Variants in MRGPRF observed in about 807,000 individuals in gnomAD.
MRGPRF encodes mas-related G protein-coupled receptor member F.
Under a neutral mutation model 3.3 loss-of-function variants are expected in MRGPRF, and 2 were observed. That is an observed-to-expected ratio of 0.61 (90% confidence interval 0.25 to 1.92). MRGPRF has a LOEUF of 1.92. MRGPRF is among the 40% of genes most tolerant of loss of function. The probability of loss-of-function intolerance (pLI) is 0.16; values close to 1 mark genes in which losing one functional copy is unlikely to be tolerated. For missense variants in MRGPRF, 500 were observed against 476.0 expected, an observed-to-expected ratio of 1.05 and a Z score of -0.47; for synonymous variants, 242 against 222.7, an observed-to-expected ratio of 1.09 and a Z score of -0.77.
At chr11:69,009,762 G>A (rs567573915) in intron 2 of MRGPRF, 92 bp downstream of exon 2, 60 of 1,450,872 alleles carry the variant, frequency 4.1e-5, no homozygotes, top group Non-Finnish European at 4.7e-5. Context: ...GGCCAGGAAG[G>A]GGGGGATGGG....
Position 69,009,893 on chromosome 11 carries a change from T to G in MRGPRF, c.9A>C (p.Gly3=), listed in dbSNP as rs1393639330. 6 of 1,606,974 alleles carry G rather than the reference T, an allele frequency of 3.7e-6. No individual in the cohort carries two copies. In the Admixed American group the frequency reaches 8.4e-5, roughly 22 times the overall value. The change falls in exon 2 of 3, where the codon GGA becomes GGC. Residue 3 remains glycine, a synonymous_variant. Transcript: ENST00000309099. ...CGGGATGGGCCTCCCAGGAGCAGTT[T>G]CCAGCCATCTCCAGGCCTGGCGCGT... MA[G]NCSWEAHPGN... is the part of the protein sequence containing the mutation.
intron 1 of MRGPRF, among the ~76,000 whole-genome samples, chr11:69,010,230 G>C (rs976782654): frequency 6.6e-6 from 1 of 152,258 alleles, no homozygotes; most frequent in Non-Finnish European, 1.5e-5. Flanking sequence ...CCCTTTTCTT[G>C]TGAGAGTTCT....
Position 69,005,431 on chromosome 11 carries a change from C to T in MRGPRF, c.879G>A (p.Leu293=). The change falls in exon 3 of 3, where the codon CTG becomes CTA. Residue 293 remains leucine, a synonymous_variant. Coordinates refer to ENST00000309099, the MANE Select transcript of MRGPRF (RefSeq NM_145015.5). Reference sequence around the variant, plus strand: ...GCCGCTGCGACTTGTCCCTCCCGGCCAGGAAGTAGACGATGGGCTTGGCGC... The same window carrying T: ...GCCGCTGCGACTTGTCCCTCCCGGCTAGGAAGTAGACGATGGGCTTGGCGC... ...NSSAKPIVYF[L]AGRDKSQRLW... 1 of 1,589,604 alleles carries T rather than the reference C, an allele frequency of 6.3e-7. No homozygotes were observed. The highest frequency in any genetic ancestry group is 1.1e-5 in the South Asian group (1 of 87,460).
rs1860483294 is a variant in MRGPRF at position 69,006,181 on chromosome 11, A to C, written c.129T>G (p.Pro43=). Residue 43 remains proline, a synonymous_variant, in exon 3 of 3, where the codon CCT becomes CCG. Coordinates refer to ENST00000309099, the MANE Select transcript of MRGPRF (RefSeq NM_145015.5). ...LTIEQIAMLP[P]PAVMNYIFLL... Reference sequence around the variant, plus strand: ...GGAAGATGTAGTTCATGACGGCCGGAGGCGGCAGCATCGCGATCTGCTCGA... The same window carrying C: ...GGAAGATGTAGTTCATGACGGCCGGCGGCGGCAGCATCGCGATCTGCTCGA... The C allele has an allele frequency of 6.2e-7, 1 of 1,613,820 alleles. No individual in the cohort carries two copies. The highest frequency in any genetic ancestry group is 8.5e-7 in the Non-Finnish European group (1 of 1,180,044).
At chr11:69,007,140 C>G (rs934219802) in intron 2 of MRGPRF, among the ~76,000 whole-genome samples, 1 of 152,192 alleles carries the variant, frequency 6.6e-6, no homozygotes, top group Non-Finnish European at 1.5e-5. Context: ...TATGTGGCTA[C>G]GGGAACGTCC....
At chr11:69,006,383 T>C in intron 2 of MRGPRF, 122 bp from the exon 3 acceptor site, 1 of 1,212,484 alleles carries the variant, frequency 8.2e-7, no homozygotes, top group South Asian at 1.6e-5. Flanking sequence ...AGGGAGGGGG[T>C]CTGTAAGGCA....
upstream of MRGPRF, among the ~76,000 whole-genome samples, chr11:69,013,587 G>A (rs1429004522): frequency 1.3e-5 from 2 of 152,250 alleles, no homozygotes; most frequent in African/African-American, 4.8e-5. Context: ...CCCAGGAGGG[G>A]CTAGTCCCCA....
chr11:69,006,319 G>T (rs1860489662), intron 2 of MRGPRF, 58 bp from the exon 3 acceptor site: 1 of 1,510,698 alleles, frequency 6.6e-7, no homozygotes, highest in Non-Finnish European at 8.8e-7. Flanking sequence ...CCACAGACCT[G>T]CATCTGGGGC....
Position 69,004,907 on chromosome 11 carries a change from G to A in MRGPRF, c.*371C>T. ...GGATGAGGCTGCTGGCCTGGTGCTG[G>A]CTGGGACACAGTCAAGGAGGGCTGA... On this transcript the variant is annotated 3_prime_UTR_variant, in exon 3 of 3. Transcript: ENST00000309099. 1 of 230,902 alleles carries A rather than the reference G, an allele frequency of 4.3e-6. No individual in the cohort carries two copies. Among genetic ancestry groups the A allele is most frequent in the East Asian group, 1.1e-4 (1 of 9,326 alleles). 14.3% of individuals were successfully genotyped at this position (230,902 alleles called of 1,614,324 possible). A position where few individuals can be genotyped will look rare whatever the true frequency, so the allele number is the denominator to read the frequency against.
intron 1 of MRGPRF, among the ~76,000 whole-genome samples, chr11:69,010,752 G>A (rs1468343280): frequency 6.6e-6 from 1 of 152,102 alleles, no homozygotes; most frequent in Admixed American, 6.5e-5. Context: ...CCCACCCTAG[G>A]GCTGCCAATG....
chr11:69,005,369 AG>A lies in MRGPRF; in HGVS notation c.940del (p.Leu314CysfsTer109). 6.4e-7 allele frequency: 1 copy of A among 1,570,538 alleles called. No individual in the cohort carries two copies. The highest frequency in any genetic ancestry group is 1.9e-5 in the Admixed American group (1 of 53,796). ...CTCCCCCAGCTCAGCGCCGTCCCGC[AG>A]GGCCCGCTGGAAGACCACCCTGAGC... ...EPLRVVFQRA[L>X]RDGAELGEAG... On this transcript the variant is annotated frameshift_variant, in exon 3 of 3. Coordinates refer to ENST00000309099, the MANE Select transcript of MRGPRF (RefSeq NM_145015.5). LOFTEE classifies it high-confidence loss of function.
Position 69,006,206 on chromosome 11 carries a change from A to T in MRGPRF, c.104T>A (p.Ile35Asn), listed in dbSNP as rs375273907. 6.2e-7 allele frequency: 1 copy of T among 1,613,546 alleles called. No homozygotes were observed. The highest frequency in any genetic ancestry group is 8.5e-7 in the Non-Finnish European group (1 of 1,180,048). The change falls in exon 3 of 3, where the codon ATC (isoleucine) becomes AAC (asparagine). Residue 35 changes from isoleucine to asparagine, a missense_variant. Physicochemically the swap from Ile to Asn is moderately radical, Grantham distance 149. Coordinates refer to ENST00000309099, the MANE Select transcript of MRGPRF (RefSeq NM_145015.5). ...PELYSRGFLTIEQIAMLPPPA... is the reference protein window; with the variant it reads ...PELYSRGFLTNEQIAMLPPPA... ...AGGCGGCAGCATCGCGATCTGCTCG[A>T]TGGTCAGGAAGCCCCGGCTGTAGAG...
chr11:69,005,088 T>G lies in MRGPRF; in HGVS notation c.*190A>C. 1.5e-6 allele frequency: 1 copy of G among 652,118 alleles called. No homozygotes were observed. 40.4% of individuals were successfully genotyped at this position (652,118 alleles called of 1,614,324 possible). ...GGGGAGCCGGGCAGGGGCCACAGGGTCTGTTTGCTGGTGGCTGCCCAGTCT... is the reference window on the plus strand; with the variant it reads ...GGGGAGCCGGGCAGGGGCCACAGGGGCTGTTTGCTGGTGGCTGCCCAGTCT... On this transcript the variant is annotated 3_prime_UTR_variant, in exon 3 of 3. Coordinates refer to ENST00000309099, the MANE Select transcript of MRGPRF (RefSeq NM_145015.5).
In MRGPRF at chr11:69,009,272, C is replaced by T. The variant is rs114986826; in HGVS notation, c.48+582G>A. 1,760 of 278,312 alleles carry T rather than the reference C, an allele frequency of 6.3e-3. 28 individuals are homozygous for T. The highest frequency in any genetic ancestry group is 0.034 in the African/African-American group (1,577 of 45,858). The allele number at this position is 278,312 out of a possible 1,614,324, so 17.2% of individuals were successfully genotyped here. A position where few individuals can be genotyped will look rare whatever the true frequency, so the allele number is the denominator to read the frequency against. On this transcript the variant is annotated intron_variant, in intron 2 of 2. Transcript: ENST00000309099. Reference sequence around the variant, plus strand: ...ATGGATAGGAATTCAAGAGATCCTTCGAAGTTGAGAGCGAAGGAAATCCCA... The same window carrying T: ...ATGGATAGGAATTCAAGAGATCCTTTGAAGTTGAGAGCGAAGGAAATCCCA...
At position 69,011,168 on chromosome 11, in the gene MRGPRF, G is replaced by A. The variant is rs1860588815; in HGVS notation, c.-56-1211C>T. On this transcript the variant is annotated intron_variant, in intron 1 of 2. Coordinates refer to ENST00000309099, the MANE Select transcript of MRGPRF (RefSeq NM_145015.5). ...CGCCCGCCGCGCACTCCTCCCGCCC[G>A]GGGGCGGGCCGTACTCCTGGCCTCC... Among the ~76,000 whole-genome samples the A allele has an allele frequency of 3.3e-5, 5 of 152,206 alleles. No individual in the cohort carries two copies. The South Asian group carries it at 1.0e-3, about 32-fold the overall frequency.
chr11:69,006,226 G>A lies in MRGPRF; in HGVS notation c.84C>T (p.Tyr28=), dbSNP rs767289718. ...GCTCGATGGTCAGGAAGCCCCGGCTGTAGAGTTCCGGGGCCTCGCTCAGGC... is the reference window on the plus strand; with the variant it reads ...GCTCGATGGTCAGGAAGCCCCGGCTATAGAGTTCCGGGGCCTCGCTCAGGC... The part of the protein sequence containing the change: ...CPGLSEAPEL[Y]SRGFLTIEQI... The change falls in exon 3 of 3, where the codon TAC becomes TAT. Residue 28 remains tyrosine, a synonymous_variant. Transcript: ENST00000309099. 3.7e-5 allele frequency: 60 copies of A among 1,612,990 alleles called. No homozygotes were observed. Among genetic ancestry groups the A allele is most frequent in the South Asian group, 5.5e-5 (5 of 91,086 alleles).
rs755769394 is a variant in MRGPRF, at chr11:69,005,850, G to C, written c.460C>G (p.Arg154Gly). The C allele has an allele frequency of 1.3e-6, 2 of 1,543,016 alleles. No homozygotes were observed. Among genetic ancestry groups the C allele is most frequent in the African/African-American group, 2.7e-5 (2 of 73,204 alleles). Residue 154 changes from arginine (R) to glycine (G), a missense_variant, in exon 3 of 3, where the codon CGG becomes GGG. Coordinates refer to ENST00000309099, the MANE Select transcript of MRGPRF (RefSeq NM_145015.5). ...ACGGCCGACAGGCGCTTGGGCCGCC[G>C]GCGCCAGTACCAGGCGGGGAAGATG... ...SVIFPAWYWR[R>G]RPKRLSAVVC...
In MRGPRF at chr11:69,005,827, G is replaced by T; in HGVS notation, c.483C>A (p.Ala161=). The T allele has an allele frequency of 1.3e-6, 2 of 1,531,890 alleles. No individual in the cohort carries two copies. 94.9% of individuals were successfully genotyped at this position (1,531,890 alleles called of 1,614,324 possible). ...GGACCCACAGCAGGGCGCACACCAC[G>T]GCCGACAGGCGCTTGGGCCGCCGGC... is the stretch of plus-strand genomic sequence containing the variant. ...YWRRRPKRLS[A]VVCALLWVLS... Residue 161 remains alanine (A), a synonymous_variant, in exon 3 of 3, where the codon GCC becomes GCA. Transcript: ENST00000309099.
At chr11:69,006,301 G>T (rs764159227) in intron 2 of MRGPRF, 40 bp from the exon 3 acceptor site, 2 of 1,553,756 alleles carry the variant, frequency 1.3e-6, no homozygotes, top group African/African-American at 2.7e-5. Flanking sequence ...ATGCCGGCTG[G>T]CCCCCACCCA....
Sources: allele counts gnomAD v4.1 joint callset (sites outside exome capture counted in the v4.1 genomes callset), GRCh38; gene constraint gnomAD v4.1.1; transcripts MANE v1.5; gene names NCBI Gene and HGNC (gene_info 2026-07-23, HGNC 2026-07-21).